Variants in IQCE observed in about 807,000 individuals in gnomAD.
The protein encoded by IQCE is IQ motif containing E.
Under a neutral mutation model 96.0 loss-of-function variants are expected in IQCE, and 115 were observed. The observed-to-expected ratio is 1.20, with a 90% CI of 1.03 to 1.40. IQCE has a LOEUF of 1.40. IQCE is among the 40% of genes most tolerant of loss of function. IQCE has a pLI of 0.00. For synonymous variants in IQCE, 412 were observed against 371.2 expected (o/e 1.11, Z -1.26); for missense variants, 1,041 against 909.1 (o/e 1.15, Z -1.87).
Position 2,580,874 on chromosome 7 carries a change from C to T in IQCE, c.631-1706C>T, listed in dbSNP as rs190460315. Among the ~76,000 whole-genome samples the T allele has an allele frequency of 1.6e-4, 24 of 152,148 alleles. No homozygotes were observed. In the East Asian group the frequency reaches 2.7e-3, roughly 17 times the overall value. ...CAAGCGGAAACAGGATTTGGTTGGC[C>T]GAAGAGGGGAGTGGCCAGGTCAGAG... On this transcript the variant is annotated intron_variant, in intron 8 of 21. Transcript: ENST00000402050.
intron 21 of IQCE, among the ~76,000 whole-genome samples, chr7:2,608,832 G>C (rs1375735282): frequency 6.6e-6 from 1 of 151,350 alleles, no homozygotes; most frequent in African/African-American, 2.4e-5. Flanking sequence ...TATAAATCAA[G>C]CTTTTGTTTG....
In IQCE at chr7:2,568,982, C is replaced by T; in HGVS notation, c.113C>T (p.Pro38Leu). Residue 38 changes from proline to leucine, a missense_variant, in exon 3 of 22, where the codon CCT becomes CTT. Physicochemically the swap from Pro to Leu is moderately conservative, Grantham distance 98 (BLOSUM62 -3). Transcript: ENST00000402050. ...TKAKRKAFHK[P>L]PPTSPKSPYL... ...GCAAAAAGGAAAGCTTTCCACAAAC[C>T]TCCACCCACATCGCCAAGTAAGTAT... is the stretch of plus-strand genomic sequence containing the variant. 1.9e-6 allele frequency: 3 copies of T among 1,614,004 alleles called. No homozygotes were observed. The highest frequency in any genetic ancestry group is 2.5e-6 in the Non-Finnish European group (3 of 1,180,032).
chr7:2,596,283 GAA>G (rs959002376), intron 16 of IQCE, among the ~76,000 whole-genome samples: 1 of 151,154 alleles, frequency 6.6e-6, no homozygotes, highest in African/African-American at 2.4e-5. Context: ...AAGAAAGAGA[GAA>G]AGAGAAAAGA....
chr7:2,563,375 T>TTTTGTGTGTG (rs60896382), intron 1 of IQCE, among the ~76,000 whole-genome samples: 308 of 135,802 alleles, frequency 2.3e-3, no homozygotes, highest in African/African-American at 7.5e-3. Context: ...TAATTTTTTG[T>TTTTGTGTGTG]TGTGTGTGTG....
intron 14 of IQCE, among the ~76,000 whole-genome samples, chr7:2,592,791 T>C (rs573209086): frequency 6.6e-6 from 1 of 152,350 alleles, no homozygotes; most frequent in Non-Finnish European, 1.5e-5. Context: ...CTTCTCTGGC[T>C]TAGTCCGGTT....
Position 2,589,969 on chromosome 7 carries a change from A to G in IQCE, c.1107A>G (p.Pro369=). The G allele has an allele frequency of 4.3e-6, 7 of 1,614,018 alleles. No individual in the cohort carries two copies. Among genetic ancestry groups the G allele is most frequent in the Non-Finnish European group, 5.9e-6 (7 of 1,180,020 alleles). The change falls in exon 14 of 22, where the codon CCA becomes CCG. Residue 369 remains proline, a synonymous_variant. Transcript: ENST00000402050. ...HAAEPVRSHP[P]ACLASSSALH... ...CAGAGCCAGTCAGATCACACCCGCC[A>G]GCCTGCCTTGCATCCAGCTCTGCGC...
At chr7:2,567,370 G>C (rs111489270) in intron 2 of IQCE, among the ~76,000 whole-genome samples, 7 of 152,258 alleles carry the variant, frequency 4.6e-5, no homozygotes, top group African/African-American at 1.7e-4. Flanking sequence ...TTATCTGGAC[G>C]TGAATCCTGA....
chr7:2,577,764 C>T (rs867549485), intron 6 of IQCE, among the ~76,000 whole-genome samples: 1 of 112,466 alleles, frequency 8.9e-6, no homozygotes, highest in Non-Finnish European at 1.8e-5. Flanking sequence ...TGGCTGTGCG[C>T]GCGGGGACCT....
rs547480156 is a variant in IQCE, at chr7:2,561,565, C to T, written c.36+2348C>T. Among the ~76,000 whole-genome samples the T allele has an allele frequency of 4.5e-4, 69 of 151,996 alleles. No individual in the cohort carries two copies. The South Asian group carries it at 0.014, about 30-fold the overall frequency. On this transcript the variant is annotated intron_variant, in intron 1 of 21. Coordinates refer to ENST00000402050, the MANE Select transcript of IQCE (RefSeq NM_152558.5). ...CCTCCCGAGTAGCTGAGACTACAGG[C>T]GCCCGCCACCATGCCCGGCTAATTT... is the stretch of plus-strand genomic sequence containing the variant.
At position 2,612,821 on chromosome 7, in the gene IQCE, G is replaced by A. The variant is rs1785161338; in HGVS notation, c.*2659G>A. 1 of 152,818 alleles carries A rather than the reference G, an allele frequency of 6.5e-6. No homozygotes were observed. Among genetic ancestry groups the A allele is most frequent in the Non-Finnish European group, 1.5e-5 (1 of 68,400 alleles). 9.5% of individuals were successfully genotyped at this position (152,818 alleles called of 1,614,324 possible). A position where few individuals can be genotyped will look rare whatever the true frequency, so the allele number is the denominator to read the frequency against. On this transcript the variant is annotated 3_prime_UTR_variant, in exon 22 of 22. Coordinates refer to ENST00000402050, the MANE Select transcript of IQCE (RefSeq NM_152558.5). ...TGGGGCTGAGCCATGGGAGCAGCAA[G>A]CTGGTGGAGTGGGCTGGGCGGAGCT...
intron 1 of IQCE, among the ~76,000 whole-genome samples, chr7:2,566,856 A>G (rs1781410086): frequency 6.6e-6 from 1 of 152,260 alleles, no homozygotes; most frequent in African/African-American, 2.4e-5. Context: ...TTCTGTGGGA[A>G]ATAGTGTTAC....
chr7:2,592,355 G>A (rs1015890193), intron 14 of IQCE, among the ~76,000 whole-genome samples: 3 of 152,232 alleles, frequency 2.0e-5, no homozygotes, highest in African/African-American at 7.2e-5. Context: ...CATTATGAAA[G>A]GTAAATCACT....
At chr7:2,582,026 A>G (rs549701196) in intron 8 of IQCE, 1 of 466,880 alleles carries the variant, frequency 2.1e-6, no homozygotes, top group East Asian at 7.0e-5. Flanking sequence ...AATGTTCTTT[A>G]AAGAATATAA....
intron 16 of IQCE, among the ~76,000 whole-genome samples, chr7:2,596,062 T>G (rs1307492341): frequency 3.9e-5 from 6 of 152,218 alleles, no homozygotes. Flanking sequence ...AGCAAGGAAC[T>G]TGGTGTCACC....
chr7:2,586,297 C>CG lies in IQCE; in HGVS notation c.916dup (p.Glu306GlyfsTer175). Reference sequence around the variant, plus strand: ...TTGTCCCGGAGTGTCCAGGAGCTCACGGAAGAGAACCAGAGCCTGAAGGAG... The same window carrying CG: ...TTGTCCCGGAGTGTCCAGGAGCTCACGGGAAGAGAACCAGAGCCTGAAGGAG... On this transcript the variant is annotated frameshift_variant, in exon 12 of 22. Transcript: ENST00000402050. LOFTEE classifies it high-confidence loss of function. 6.2e-7 allele frequency: 1 copy of CG among 1,613,992 alleles called. No individual in the cohort carries two copies. The highest frequency in any genetic ancestry group is 1.1e-5 in the South Asian group (1 of 91,074).
In IQCE at chr7:2,606,746, T is replaced by C. The variant is rs554602473; in HGVS notation, c.1866-378T>C. 2.6e-4 allele frequency among the ~76,000 whole-genome samples: 39 copies of C among 152,258 alleles called. No homozygotes were observed. In the East Asian group the frequency reaches 6.2e-3, roughly 24 times the overall value. ...GGCTCAGGAGTCAGGGACCCATCCC[T>C]GGGCGGCGAGCCCCAGCCAGGAGGT... On this transcript the variant is annotated intron_variant, in intron 20 of 21. Coordinates refer to ENST00000402050, the MANE Select transcript of IQCE (RefSeq NM_152558.5).
intron 6 of IQCE, among the ~76,000 whole-genome samples, chr7:2,576,927 G>A (rs1782169269): frequency 1.3e-5 from 2 of 152,196 alleles, no homozygotes; most frequent in South Asian, 4.1e-4. Flanking sequence ...TCCAGCCCCG[G>A]TGTTGGCGGT....
intron 16 of IQCE, 117 bp from the exon 17 acceptor site, chr7:2,598,348 T>G: frequency 4.4e-5 from 44 of 1,006,306 alleles, no homozygotes; most frequent in Non-Finnish European, 6.2e-5. Flanking sequence ...TCCACATTAG[T>G]GAGACTCACC....
intron 16 of IQCE, chr7:2,598,159 T>C: frequency 3.6e-6 from 1 of 281,120 alleles, no homozygotes; most frequent in Non-Finnish European, 6.6e-6. Flanking sequence ...GTGTAGTGAG[T>C]GTGTGACGGC....
Sources: gnomAD v4.1 joint callset for allele counts (sites outside exome capture counted in the v4.1 genomes callset) on GRCh38, gnomAD v4.1.1 for gene constraint, MANE v1.5 for transcripts, NCBI Gene and HGNC (gene_info 2026-07-23, HGNC 2026-07-21) for gene names.